The following DNAH6 variants were observed in gnomAD, a reference collection of about 807,000 sequenced individuals.
DNAH6 encodes the protein axonemal beta dynein heavy chain 6.
Under a neutral mutation model 491.4 loss-of-function variants are expected in DNAH6, and 340 were observed. The observed-to-expected ratio is 0.69, with a 90% CI of 0.63 to 0.76. The LOEUF (loss-of-function observed/expected upper bound fraction) is 0.76, where lower values mean the gene tolerates loss of function less well. DNAH6 is among the 30% of genes least tolerant of loss of function. The probability of loss-of-function intolerance (pLI) is 0.00; values close to 1 mark genes in which losing one functional copy is unlikely to be tolerated. For synonymous variants in DNAH6, 1,603 were observed against 1,686.1 expected, an observed-to-expected ratio of 0.95 and a Z score of 1.21; for missense variants, 4,443 against 4,972.2, an observed-to-expected ratio of 0.89 and a Z score of 3.20.
intron 61 of DNAH6, among the ~76,000 whole-genome samples, chr2:84,729,812 C>G (rs76642288): frequency 8.5e-5 from 13 of 152,256 alleles, no homozygotes; most frequent in Middle Eastern, 3.4e-3. Context: ...ATGGTCACTT[C>G]ATTTAATATT....
At chr2:84,715,720 G>A in intron 58 of DNAH6, 93 bp downstream of exon 58, 4 of 1,231,044 alleles carry the variant, frequency 3.2e-6, no homozygotes, top group Non-Finnish European at 4.6e-6. Flanking sequence ...ATGTTCTGCT[G>A]TGTAAGAGCA....
intron 75 of DNAH6, among the ~76,000 whole-genome samples, chr2:84,815,373 T>C (rs17025598): frequency 0.033 from 4,872 of 146,524 alleles, 289 homozygotes; most frequent in African/African-American, 0.12. Context: ...ATGCCCACAA[T>C]TGGAAAAAAA....
intron 64 of DNAH6, among the ~76,000 whole-genome samples, chr2:84,767,984 C>A (rs1192380): frequency 0.96 from 145,424 of 152,234 alleles, 69,515 homozygotes; most frequent in East Asian, 1. Flanking sequence ...ATATATTCTA[C>A]GTGTGAAAAG....
chr2:84,653,326 A>C lies in DNAH6; in HGVS notation c.5086A>C (p.Ile1696Leu). 1 of 1,522,294 alleles carries C rather than the reference A, an allele frequency of 6.6e-7. No individual in the cohort carries two copies. The highest frequency in any genetic ancestry group is 1.2e-5 in the South Asian group (1 of 80,100). 94.3% of individuals were successfully genotyped at this position (1,522,294 alleles called of 1,614,324 possible). ...TTATTTTTGTTTTGACAGTGGAATC[A>C]TATCTGACCTTTTTCCTGGAGTCCA... The part of the protein sequence containing the change: ...TDDALLFSGI[I>L]SDLFPGVQIP... Residue 1696 changes from isoleucine to leucine, a missense_variant, in exon 34 of 77, where the codon ATA becomes CTA. By Grantham distance (5) the Ile-to-Leu change is conservative. Coordinates refer to ENST00000389394, the MANE Select transcript of DNAH6 (RefSeq NM_001370.2).
the DNAH6 span, among the ~76,000 whole-genome samples, chr2:84,503,316 TG>T: frequency 2.6e-5 from 4 of 152,194 alleles, no homozygotes; most frequent in African/African-American, 9.6e-5. Flanking sequence ...TTAAACTTTT[TG>T]TTGTTTCTAG....
chr2:84,799,504 TGAG>T (rs1678677590), intron 70 of DNAH6, among the ~76,000 whole-genome samples: 1 of 152,238 alleles, frequency 6.6e-6, no homozygotes, highest in Non-Finnish European at 1.5e-5. Flanking sequence ...TCCGCTGGGC[TGAG>T]AAGCCTAGGC....
the DNAH6 span, among the ~76,000 whole-genome samples, chr2:84,482,525 C>G: frequency 4.6e-5 from 7 of 152,328 alleles, no homozygotes; most frequent in Admixed American, 3.9e-4. Context: ...CTGCTCCCTT[C>G]TAGAGGAAGC....
chr2:84,640,391 T>A (rs1201391463), intron 31 of DNAH6, 39 bp from the exon 32 acceptor site: 2 of 1,269,198 alleles, frequency 1.6e-6, no homozygotes, highest in Non-Finnish European at 2.2e-6. Flanking sequence ...TTGTTATCAA[T>A]ACAATATAAT....
intron 16 of DNAH6, among the ~76,000 whole-genome samples, chr2:84,591,481 A>T (rs1161423515): frequency 6.6e-6 from 1 of 152,176 alleles, no homozygotes; most frequent in African/African-American, 2.4e-5. Flanking sequence ...ATAGAAAGAT[A>T]TCCCATGTTC....
At chr2:84,594,832 C>G (rs1684424582) in intron 17 of DNAH6, among the ~76,000 whole-genome samples, 1 of 152,062 alleles carries the variant, frequency 6.6e-6, no homozygotes, top group South Asian at 2.1e-4. Flanking sequence ...CTGGGAGTAC[C>G]AGTGGAGAAT....
intron 11 of DNAH6, among the ~76,000 whole-genome samples, chr2:84,562,880 G>A (rs1225772622): frequency 2.0e-5 from 3 of 152,112 alleles, no homozygotes; most frequent in Non-Finnish European, 4.4e-5. Context: ...GTATTGATAT[G>A]GTTTCACCGT....
chr2:84,708,275 TAAA>T (rs761577094), intron 54 of DNAH6, among the ~76,000 whole-genome samples: 1 of 143,370 alleles, frequency 7.0e-6, no homozygotes. Flanking sequence ...TCGTCTCTAC[TAAA>T]AAAAAAAAAT....
At chr2:84,725,058 C>T (rs1184994625) in intron 60 of DNAH6, among the ~76,000 whole-genome samples, 2 of 152,178 alleles carry the variant, frequency 1.3e-5, no homozygotes, top group African/African-American at 4.8e-5. Flanking sequence ...CTGCTGGAGC[C>T]TGAACTCCCA....
chr2:84,671,083 T>TC (rs71390183), intron 39 of DNAH6, among the ~76,000 whole-genome samples: 1 of 151,992 alleles, frequency 6.6e-6, no homozygotes, highest in Non-Finnish European at 1.5e-5. Context: ...TCTTCACTCC[T>TC]CCCCACCCTC....
chr2:84,677,854 A>G (rs1002778782), intron 41 of DNAH6, among the ~76,000 whole-genome samples: 1 of 152,172 alleles, frequency 6.6e-6, no homozygotes, highest in Admixed American at 6.5e-5. Flanking sequence ...GGAGGAACAG[A>G]TCTTAGGAAC....
chr2:84,553,897 A>T (rs1392127103), intron 10 of DNAH6, among the ~76,000 whole-genome samples: 1 of 152,160 alleles, frequency 6.6e-6, no homozygotes, highest in African/African-American at 2.4e-5. Flanking sequence ...TCCATGAATC[A>T]TCTCAGTTTC....
intron 64 of DNAH6, among the ~76,000 whole-genome samples, chr2:84,771,913 A>G (rs907934971): frequency 6.6e-6 from 1 of 152,250 alleles, no homozygotes; most frequent in African/African-American, 2.4e-5. Context: ...AAGCGTAACT[A>G]CATAGGTAAA....
intron 45 of DNAH6, among the ~76,000 whole-genome samples, chr2:84,692,484 A>ATAGATAG (rs1558918021): frequency 6.7e-6 from 1 of 150,356 alleles, no homozygotes; most frequent in African/African-American, 2.5e-5. Flanking sequence ...TAGATAGATA[A>ATAGATAG]ATTTCCCAGA....
chr2:84,775,948 C>A (rs1053291603), intron 64 of DNAH6, among the ~76,000 whole-genome samples: 1 of 151,810 alleles, frequency 6.6e-6, no homozygotes, highest in African/African-American at 2.4e-5. Context: ...CTTGTTTATC[C>A]TTTCAAAAAA....
Sources: gnomAD v4.1 joint callset for allele counts (sites outside exome capture counted in the v4.1 genomes callset) on GRCh38, gnomAD v4.1.1 for gene constraint, MANE v1.5 for transcripts, NCBI Gene and HGNC (gene_info 2026-07-23, HGNC 2026-07-21) for gene names.